The following SYN3 variants were observed in gnomAD, a reference collection of about 807,000 sequenced individuals.
SYN3 encodes the protein synapsin III.
In SYN3, 35 loss-of-function variants were observed where a neutral mutation model predicts 65.8. The ratio of observed to expected loss-of-function variants is 0.53; its 90% CI spans 0.41 to 0.70. The LOEUF is 0.70. Among genes scored for constraint, SYN3 ranks in the 30% least tolerant of loss-of-function variants. SYN3 has a pLI of 0.00. For missense variants in SYN3, 680 were observed against 749.0 expected, an observed-to-expected ratio of 0.91 and a Z score of 1.08; for synonymous variants, 270 against 292.9, an observed-to-expected ratio of 0.92 and a Z score of 0.80.
intron 6 of SYN3, among the ~76,000 whole-genome samples, chr22:32,704,831 C>A (rs2060858753): frequency 6.6e-6 from 1 of 151,976 alleles, no homozygotes; most frequent in African/African-American, 2.4e-5. Context: ...GCTTTTTTTA[C>A]ATGTTTGTTG....
chr22:32,883,684 A>G (rs1040908225), intron 4 of SYN3, among the ~76,000 whole-genome samples: 4 of 152,182 alleles, frequency 2.6e-5, no homozygotes, highest in Admixed American at 2.0e-4. Flanking sequence ...TCTCTTTTTT[A>G]AAAAAAGATA....
intron 4 of SYN3, among the ~76,000 whole-genome samples, chr22:32,872,936 C>CTTTTTT (rs35506480): frequency 6.1e-5 from 7 of 115,174 alleles, no homozygotes; most frequent in Admixed American, 1.8e-4. Flanking sequence ...GCCCTAAGCA[C>CTTTTTT]TTTTTTTTTT....
chr22:32,767,878 T>C (rs5754259), intron 6 of SYN3, among the ~76,000 whole-genome samples: 68,706 of 151,974 alleles, frequency 0.45, 16,262 homozygotes, highest in East Asian at 0.55. Flanking sequence ...TGACTTTAAA[T>C]ATAATCTATG....
Position 32,645,943 on chromosome 22 carries a change from G to A in SYN3, c.712-49207C>T, listed in dbSNP as rs188278629. 1.5e-3 allele frequency among the ~76,000 whole-genome samples: 226 copies of A among 152,196 alleles called. 2 individuals are homozygous for A. In the Middle Eastern group the frequency reaches 0.024, roughly 16 times the overall value. ...GGGAGCTGTACCCCACTTCTGGCACGTGAGCCTTGGAATAAGGAACAAGTC... is the reference window on the plus strand; with the variant it reads ...GGGAGCTGTACCCCACTTCTGGCACATGAGCCTTGGAATAAGGAACAAGTC... On this transcript the variant is annotated intron_variant, in intron 6 of 13. Transcript: ENST00000358763.
chr22:32,539,586 AG>A (rs2146224755), intron 8 of SYN3, among the ~76,000 whole-genome samples: 1 of 152,344 alleles, frequency 6.6e-6, no homozygotes, highest in African/African-American at 2.4e-5. Context: ...AGTAGCGACA[AG>A]CACAAAGGCC....
intron 7 of SYN3, among the ~76,000 whole-genome samples, chr22:32,542,910 G>A (rs891667934): frequency 2.6e-5 from 4 of 152,086 alleles, no homozygotes; most frequent in Middle Eastern, 3.4e-3. Flanking sequence ...CACTGGCCAC[G>A]GGAGCCCTGC....
At chr22:33,038,394 T>C (rs2053898303) in intron 1 of SYN3, among the ~76,000 whole-genome samples, 1 of 152,216 alleles carries the variant, frequency 6.6e-6, no homozygotes, top group South Asian at 2.1e-4. Context: ...AAAACAGTCA[T>C]TCCTGCTGCA....
At chr22:32,558,201 G>A (rs2058531000) in intron 7 of SYN3, among the ~76,000 whole-genome samples, 1 of 152,182 alleles carries the variant, frequency 6.6e-6, no homozygotes, top group Non-Finnish European at 1.5e-5. Flanking sequence ...GAGGGAATGA[G>A]GAGTTAGGAG....
chr22:32,565,179 C>T (rs772265049), intron 7 of SYN3, among the ~76,000 whole-genome samples: 7 of 152,170 alleles, frequency 4.6e-5, no homozygotes, highest in Non-Finnish European at 8.8e-5. Flanking sequence ...TCGGACTGCA[C>T]CCAAACAGTG....
chr22:32,601,107 T>C (rs553795996), intron 6 of SYN3, among the ~76,000 whole-genome samples: 1 of 152,252 alleles, frequency 6.6e-6, no homozygotes, highest in Non-Finnish European at 1.5e-5. Flanking sequence ...ATGTGTTCAT[T>C]GCTAGAAATT....
chr22:32,815,065 T>C (rs936854888), intron 6 of SYN3, among the ~76,000 whole-genome samples: 3 of 152,262 alleles, frequency 2.0e-5, no homozygotes, highest in African/African-American at 4.8e-5. Context: ...TTTGGACTAG[T>C]TGCGTTTCAG....
chr22:32,895,391 T>C (rs2049562638), intron 4 of SYN3, among the ~76,000 whole-genome samples: 1 of 152,224 alleles, frequency 6.6e-6, no homozygotes, highest in Non-Finnish European at 1.5e-5. Flanking sequence ...TAGCTATACT[T>C]GCATGTACAT....
chr22:32,521,856 C>T (rs2057890227), intron 12 of SYN3, among the ~76,000 whole-genome samples: 1 of 152,190 alleles, frequency 6.6e-6, no homozygotes, highest in Non-Finnish European at 1.5e-5. Context: ...ATTCGCCTCC[C>T]TTCCCAGGTT....
At chr22:32,976,214 C>T (rs766307416) in intron 3 of SYN3, among the ~76,000 whole-genome samples, 2 of 152,184 alleles carry the variant, frequency 1.3e-5, no homozygotes, top group Non-Finnish European at 2.9e-5. Flanking sequence ...AAGGACAGTA[C>T]TCAAAGGAGC....
chr22:32,605,445 G>A (rs1455941703), intron 6 of SYN3, among the ~76,000 whole-genome samples: 1 of 152,144 alleles, frequency 6.6e-6, no homozygotes, highest in Non-Finnish European at 1.5e-5. Flanking sequence ...GGAGGCTGTG[G>A]AAACAACAGC....
intron 6 of SYN3, among the ~76,000 whole-genome samples, chr22:32,624,313 C>T (rs564213416): frequency 6.6e-6 from 1 of 152,162 alleles, no homozygotes; most frequent in Non-Finnish European, 1.5e-5. Flanking sequence ...TGGGGGGTCA[C>T]TTTCAAACCT....
At chr22:32,979,754 C>T (rs990443915) in intron 3 of SYN3, among the ~76,000 whole-genome samples, 20 of 152,186 alleles carry the variant, frequency 1.3e-4, no homozygotes, top group African/African-American at 4.6e-4. Context: ...TTGATCCTCA[C>T]AGCACCCTAT....
chr22:32,894,742 T>C (rs754540423), intron 4 of SYN3, among the ~76,000 whole-genome samples: 1 of 152,200 alleles, frequency 6.6e-6, no homozygotes, highest in Non-Finnish European at 1.5e-5. Flanking sequence ...TGGATGAGAT[T>C]TGCATTTGGA....
chr22:32,609,476 GTTT>G (rs11303501), intron 6 of SYN3, among the ~76,000 whole-genome samples: 1 of 138,914 alleles, frequency 7.2e-6, no homozygotes, highest in Non-Finnish European at 1.6e-5. Flanking sequence ...CCTGCCTGGT[GTTT>G]TTTTTTTTTT....
Sources: gnomAD v4.1 joint callset for allele counts (sites outside exome capture counted in the v4.1 genomes callset) on GRCh38, gnomAD v4.1.1 for gene constraint, MANE v1.5 for transcripts, NCBI Gene and HGNC (gene_info 2026-07-23, HGNC 2026-07-21) for gene names.